SNTG2: variants seen among roughly 807,000 people sequenced by gnomAD.
SNTG2 encodes the protein gamma-2-syntrophin.
Under a neutral mutation model 70.9 loss-of-function variants are expected in SNTG2, and 74 were observed. That is an observed-to-expected ratio of 1.04 (90% CI 0.86 to 1.27). The LOEUF is 1.27. Ranked by LOEUF, SNTG2 falls within the 50% of genes most tolerant of loss-of-function variation. The pLI is 0.00. For missense variants in SNTG2, 717 were observed against 690.7 expected (o/e 1.04, Z -0.43); for synonymous variants, 278 against 273.8 (o/e 1.02, Z -0.15).
At chr2:1,098,124 A>G in intron 2 of SNTG2, 72 bp from the exon 3 acceptor site, 24 of 1,522,742 alleles carry the variant, frequency 1.6e-5, no homozygotes, top group Non-Finnish European at 2.1e-5. Context: ...TAAATGAAGA[A>G]TTTCTTTTGA....
chr2:956,359 G>C (rs1253324480), intron 1 of SNTG2, among the ~76,000 whole-genome samples: 1 of 152,192 alleles, frequency 6.6e-6, no homozygotes, highest in Non-Finnish European at 1.5e-5. Context: ...GTCCGGAGCA[G>C]GGTTGTGTTC....
chr2:1,029,575 CAT>C (rs1558323894), intron 1 of SNTG2, among the ~76,000 whole-genome samples: 1 of 152,224 alleles, frequency 6.6e-6, no homozygotes, highest in Non-Finnish European at 1.5e-5. Context: ...TCAGTTGACA[CAT>C]GAGTTCTCCA....
rs200662712 is a variant in SNTG2, at chr2:1,320,698, T to TA, written c.1488+4332dup. ...CTTCCTCTTTGACTGTTTTTTCCTT[T>TA]AAAAAAAAAGAGTGGAGAGGAAGCA... is the stretch of plus-strand genomic sequence containing the variant. On this transcript the variant is annotated intron_variant, in intron 16 of 16. Transcript: ENST00000308624. 7.0e-3 allele frequency among the ~76,000 whole-genome samples: 1,056 copies of TA among 151,206 alleles called. 5 individuals are homozygous for TA. Among genetic ancestry groups the TA allele is most frequent in the African/African-American group, 0.022 (887 of 41,248 alleles).
At chr2:1,262,128 C>A (rs1264793637) in intron 13 of SNTG2, among the ~76,000 whole-genome samples, 1 of 152,100 alleles carries the variant, frequency 6.6e-6, no homozygotes, top group Admixed American at 6.5e-5. Context: ...GGCAAGAAGA[C>A]CTTATTCAAG....
intron 14 of SNTG2, among the ~76,000 whole-genome samples, chr2:1,282,757 C>T (rs933578507): frequency 6.6e-6 from 1 of 150,922 alleles, no homozygotes; most frequent in African/African-American, 2.4e-5. Flanking sequence ...CCCGCCCCCA[C>T]GTCAGTGAGC....
At chr2:997,467 G>A (rs1420048643) in intron 1 of SNTG2, among the ~76,000 whole-genome samples, 2 of 152,304 alleles carry the variant, frequency 1.3e-5, no homozygotes, top group East Asian at 1.9e-4. Flanking sequence ...TGTGGTGAGA[G>A]CAATTGGTAG....
intron 1 of SNTG2, among the ~76,000 whole-genome samples, chr2:1,072,111 G>A (rs1663600138): frequency 6.6e-6 from 1 of 152,166 alleles, no homozygotes; most frequent in African/African-American, 2.4e-5. Flanking sequence ...ATCCAGCTAA[G>A]ATCATTGATG....
chr2:1,318,648 A>G (rs1681393900), intron 16 of SNTG2, among the ~76,000 whole-genome samples: 1 of 152,236 alleles, frequency 6.6e-6, no homozygotes, highest in African/African-American at 2.4e-5. Flanking sequence ...GGGAACGCGG[A>G]GAGAGAGGCT....
chr2:1,208,370 G>A (rs1004755832), intron 8 of SNTG2, among the ~76,000 whole-genome samples: 2 of 151,486 alleles, frequency 1.3e-5, no homozygotes, highest in African/African-American at 2.4e-5. Flanking sequence ...TCGCTGGGGC[G>A]GCAGCACCTG....
chr2:1,328,764 A>G (rs1397324664), intron 16 of SNTG2, among the ~76,000 whole-genome samples: 2 of 152,204 alleles, frequency 1.3e-5, no homozygotes, highest in Non-Finnish European at 2.9e-5. Flanking sequence ...ATGCTTTCAT[A>G]GAAAGAACAG....
chr2:1,042,148 T>C (rs1409297496), intron 1 of SNTG2, among the ~76,000 whole-genome samples: 2 of 152,210 alleles, frequency 1.3e-5, no homozygotes, highest in Non-Finnish European at 2.9e-5. Context: ...TAACGACAGA[T>C]ACCAAATTTT....
chr2:1,293,157 C>CTTTTTTTTTTTT (rs71400092), intron 14 of SNTG2, among the ~76,000 whole-genome samples: 25 of 130,952 alleles, frequency 1.9e-4, no homozygotes, highest in East Asian at 6.7e-4. Flanking sequence ...TACTCTGTTA[C>CTTTTTTTTTTTT]TTTTTTTTTT....
chr2:1,201,190 A>G (rs1225302036), intron 8 of SNTG2, among the ~76,000 whole-genome samples: 2 of 152,062 alleles, frequency 1.3e-5, no homozygotes. Flanking sequence ...TATGGTATAT[A>G]TACACAATGA....
chr2:1,253,784 C>T (rs1677896137), intron 12 of SNTG2, among the ~76,000 whole-genome samples: 1 of 152,110 alleles, frequency 6.6e-6, no homozygotes, highest in Non-Finnish European at 1.5e-5. Flanking sequence ...GGGGAAGCCT[C>T]AGGAAACTTA....
At chr2:1,219,204 G>A (rs2148017981) in intron 9 of SNTG2, among the ~76,000 whole-genome samples, 1 of 152,280 alleles carries the variant, frequency 6.6e-6, no homozygotes, top group South Asian at 2.1e-4. Context: ...CCCATGTCAA[G>A]TGCTGGCTCC....
chr2:1,334,041 T>C (rs1659670905), intron 16 of SNTG2, among the ~76,000 whole-genome samples: 1 of 152,164 alleles, frequency 6.6e-6, no homozygotes, highest in South Asian at 2.1e-4. Context: ...GCAATCTATA[T>C]ATTCGATAAA....
At chr2:1,251,021 A>G (rs1319900856) in intron 12 of SNTG2, among the ~76,000 whole-genome samples, 2 of 152,228 alleles carry the variant, frequency 1.3e-5, no homozygotes, top group African/African-American at 4.8e-5. Flanking sequence ...TTCTCTCTTC[A>G]GAGCCATCAG....
At chr2:991,407 A>ACAC (rs1553305482) in intron 1 of SNTG2, among the ~76,000 whole-genome samples, 3 of 151,120 alleles carry the variant, frequency 2.0e-5, no homozygotes, top group Non-Finnish European at 4.4e-5. Flanking sequence ...ACACACACAC[A>ACAC]ATTATGACTT....
intron 9 of SNTG2, among the ~76,000 whole-genome samples, chr2:1,231,162 A>T (rs1438433943): frequency 1.3e-5 from 2 of 150,866 alleles, no homozygotes; most frequent in Non-Finnish European, 2.9e-5. Flanking sequence ...ACTTAGGATA[A>T]TGACAGTGCC....
Sources: gnomAD v4.1 joint callset for allele counts (sites outside exome capture counted in the v4.1 genomes callset) on GRCh38, gnomAD v4.1.1 for gene constraint, MANE v1.5 for transcripts, NCBI Gene and HGNC (gene_info 2026-07-23, HGNC 2026-07-21) for gene names.